Variants in FUT7 observed in about 807,000 individuals in gnomAD.
FUT7 encodes the protein alpha-(1,3)-fucosyltransferase 7.
In FUT7, 2 loss-of-function variants were observed where a neutral mutation model predicts 5.0. That is an observed-to-expected ratio of 0.40 (90% confidence interval 0.16 to 1.26). The LOEUF (loss-of-function observed/expected upper bound fraction) is 1.26. FUT7 is among the 50% of genes most tolerant of loss of function. FUT7 has a pLI of 0.32. For synonymous variants in FUT7, 218 were observed against 210.6 expected, an observed-to-expected ratio of 1.03 and a Z score of -0.30; for missense variants, 461 against 489.8, an observed-to-expected ratio of 0.94 and a Z score of 0.55.
At chr9:137,031,921 C>A in intron 1 of FUT7, 58 bp downstream of exon 1, 3 of 1,593,226 alleles carry the variant, frequency 1.9e-6, no homozygotes, top group Non-Finnish European at 2.6e-6. Flanking sequence ...CCCCGTCCTC[C>A]CCTCCCAGGT....
At position 137,030,368 on chromosome 9, in the gene FUT7, TGGCCCCCACAAACTTCAGGCTGG is replaced by T; in HGVS notation, c.*319_*341del. On this transcript the variant is annotated 3_prime_UTR_variant, in exon 2 of 2. Transcript: ENST00000314412. ...CCGAGGAAGCTCGGGGTCCCAGGTT[TGGCCCCCACAAACTTCAGGCTGG>T]GGTGCCCCCCAGCCCCAAGGGCCCT... is the stretch of plus-strand genomic sequence containing the variant. 2.9e-6 allele frequency: 1 copy of T among 347,066 alleles called. No individual in the cohort carries two copies. Among genetic ancestry groups the T allele is most frequent in the Non-Finnish European group, 5.5e-6 (1 of 181,820 alleles). 21.5% of individuals were successfully genotyped at this position (347,066 alleles called of 1,614,324 possible).
Position 137,031,298 on chromosome 9 carries a change from C to T in FUT7, c.441G>A (p.Ser147=), listed in dbSNP as rs776134765. The stretch of plus-strand genomic sequence containing the variant: ...GGCGGCCATAGGGCACAAAGATGTC[C>T]GAGTCGCGCCGGTAGCTCAGCACCC... ...FNWVLSYRRD[S]DIFVPYGRLE... is the part of the protein sequence containing the mutation. Residue 147 remains serine, a synonymous_variant, in exon 2 of 2, where the codon TCG becomes TCA. Coordinates refer to ENST00000314412, the MANE Select transcript of FUT7 (RefSeq NM_004479.4). 5.0e-5 allele frequency: 80 copies of T among 1,606,386 alleles called. No individual in the cohort carries two copies. The Middle Eastern group carries it at 6.6e-4, about 13-fold the overall frequency.
chr9:137,031,914 C>T lies in FUT7; in HGVS notation c.13+65G>A, dbSNP rs544909727. On this transcript the variant is annotated intron_variant, in intron 1 of 1. Coordinates refer to ENST00000314412, the MANE Select transcript of FUT7 (RefSeq NM_004479.4). Reference sequence around the variant, plus strand: ...GACATGCCCCACTCAGCGCCACCCCCGTCCTCCCCTCCCAGGTTGCCTAGC... The same window carrying T: ...GACATGCCCCACTCAGCGCCACCCCTGTCCTCCCCTCCCAGGTTGCCTAGC... 3.5e-5 allele frequency: 56 copies of T among 1,580,962 alleles called. 1 individual carries two copies. Among genetic ancestry groups the T allele is most frequent in the Admixed American group, 6.7e-5 (4 of 59,918 alleles).
rs1831826802 is a variant in FUT7 at position 137,030,576 on chromosome 9, C to T, written c.*134G>A. 6 of 1,058,586 alleles carry T rather than the reference C, an allele frequency of 5.7e-6. No individual in the cohort carries two copies. In the Admixed American group the frequency reaches 1.2e-4, roughly 21 times the overall value. The allele number at this position is 1,058,586 out of a possible 1,614,324, so 65.6% of individuals were successfully genotyped here. ...CATGCTCCAGTGCCCACCTGCACCC[C>T]CCACCCCTGCTTCCTGACCTCTGTG... On this transcript the variant is annotated 3_prime_UTR_variant, in exon 2 of 2. Coordinates refer to ENST00000314412, the MANE Select transcript of FUT7 (RefSeq NM_004479.4).
chr9:137,031,833 C>G (rs1382297522), intron 1 of FUT7, 108 bp from the exon 2 acceptor site: 4 of 1,454,412 alleles, frequency 2.8e-6, no homozygotes, highest in Non-Finnish European at 3.8e-6. Flanking sequence ...CAGGGACACC[C>G]ACATGCCCCA....
Position 137,030,631 on chromosome 9 carries a change from G to A in FUT7, c.*79C>T, listed in dbSNP as rs916642484. 5.6e-5 allele frequency: 87 copies of A among 1,546,490 alleles called. No homozygotes were observed. The highest frequency in any genetic ancestry group is 9.2e-5 in the South Asian group (8 of 86,836). On this transcript the variant is annotated 3_prime_UTR_variant, in exon 2 of 2. Coordinates refer to ENST00000314412, the MANE Select transcript of FUT7 (RefSeq NM_004479.4). ...GCCTCCCGTTAGCCCGCTGCTTGCCGGTAAGGGCCGGATGCCTGGTGGTTT... is the reference window on the plus strand; with the variant it reads ...GCCTCCCGTTAGCCCGCTGCTTGCCAGTAAGGGCCGGATGCCTGGTGGTTT...
At position 137,031,324 on chromosome 9, in the gene FUT7, A is replaced by C. The variant is rs746587747; in HGVS notation, c.415T>G (p.Trp139Gly). 2.2e-5 allele frequency: 36 copies of C among 1,605,972 alleles called. No individual in the cohort carries two copies. Among genetic ancestry groups the C allele is most frequent in the Non-Finnish European group, 3.1e-5 (36 of 1,177,654 alleles). Reference sequence around the variant, plus strand: ...GAGTCGCGCCGGTAGCTCAGCACCCAGTTGAAGATGCCTCGGAGGTGGCTG... The same window carrying C: ...GAGTCGCGCCGGTAGCTCAGCACCCCGTTGAAGATGCCTCGGAGGTGGCTG... ...GLSHLRGIFN[W>G]VLSYRRDSDI... The change falls in exon 2 of 2, where the codon TGG becomes GGG. Residue 139 changes from tryptophan to glycine, a missense_variant. Physicochemically the swap from Trp to Gly is radical, Grantham distance 184. Coordinates refer to ENST00000314412, the MANE Select transcript of FUT7 (RefSeq NM_004479.4).
chr9:137,031,654 G>T lies in FUT7; in HGVS notation c.85C>A (p.Leu29Ile). Residue 29 changes from leucine to isoleucine, a missense_variant, in exon 2 of 2, where the codon CTC becomes ATC. Transcript: ENST00000314412. ...AGVALLAALW[L>I]LWLLGSAPRG... ...GGGGCTGACCCCAGCAGCCACAGGAGCCAGAGGGCAGCGAGCAGAGCCACC... is the reference window on the plus strand; with the variant it reads ...GGGGCTGACCCCAGCAGCCACAGGATCCAGAGGGCAGCGAGCAGAGCCACC... 1 of 1,553,544 alleles carries T rather than the reference G, an allele frequency of 6.4e-7. No homozygotes were observed. Among genetic ancestry groups the T allele is most frequent in the East Asian group, 2.4e-5 (1 of 41,588 alleles).
Position 137,031,358 on chromosome 9 carries a change from G to A in FUT7, c.381C>T (p.Thr127=). ...VWASMESPSH[T]HGLSHLRGIF... ...TGCCTCGGAGGTGGCTGAGGCCGTGGGTGTGGCTAGGAGACTCCATGGAGG... is the reference window on the plus strand; with the variant it reads ...TGCCTCGGAGGTGGCTGAGGCCGTGAGTGTGGCTAGGAGACTCCATGGAGG... Residue 127 remains threonine (T), a synonymous_variant, in exon 2 of 2, where the codon ACC becomes ACT. Transcript: ENST00000314412. 6.3e-7 allele frequency: 1 copy of A among 1,595,782 alleles called. No individual in the cohort carries two copies. The highest frequency in any genetic ancestry group is 8.5e-7 in the Non-Finnish European group (1 of 1,173,028).
At chr9:137,031,781 C>T (rs898506037) in intron 1 of FUT7, 56 bp from the exon 2 acceptor site, 60 of 1,529,168 alleles carry the variant, frequency 3.9e-5, no homozygotes, top group Admixed American at 1.4e-4. Context: ...GACATCCACA[C>T]GCCCCACTCA....
Position 137,030,289 on chromosome 9 carries a change from A to C in FUT7, c.*421T>G. ...GCCTACACACAGGGACCTCAGAACTATGGACGTGGCAGGGACCCGTGCCTG... is the reference window on the plus strand; with the variant it reads ...GCCTACACACAGGGACCTCAGAACTCTGGACGTGGCAGGGACCCGTGCCTG... On this transcript the variant is annotated 3_prime_UTR_variant, in exon 2 of 2. Coordinates refer to ENST00000314412, the MANE Select transcript of FUT7 (RefSeq NM_004479.4). 1 of 269,702 alleles carries C rather than the reference A, an allele frequency of 3.7e-6. No individual in the cohort carries two copies. Among genetic ancestry groups the C allele is most frequent in the Non-Finnish European group, 7.4e-6 (1 of 135,622 alleles). 16.7% of individuals were successfully genotyped at this position (269,702 alleles called of 1,614,324 possible).
chr9:137,031,121 A>G lies in FUT7; in HGVS notation c.618T>C (p.Asn206=). ...HLRVDVFGRA[N]GRPLCASCLV... is the part of the protein sequence containing the mutation. ...GGCAGCTGGCGCACAGTGGCCGTCC[A>G]TTGGCACGGCCAAAGACATCCACCC... The change falls in exon 2 of 2, where the codon AAT becomes AAC. Residue 206 remains asparagine, a synonymous_variant. Transcript: ENST00000314412. 1 of 1,612,634 alleles carries G rather than the reference A, an allele frequency of 6.2e-7. No individual in the cohort carries two copies.
intron 1 of FUT7, 86 bp from the exon 2 acceptor site, chr9:137,031,811 C>A (rs1053734945): frequency 2.0e-6 from 3 of 1,504,430 alleles, no homozygotes; most frequent in Admixed American, 2.0e-5. Context: ...CCGTCCTCCC[C>A]TCCCATGGGC....
chr9:137,030,703 G>A lies in FUT7; in HGVS notation c.*7C>T. On this transcript the variant is annotated 3_prime_UTR_variant, in exon 2 of 2. Transcript: ENST00000314412. Reference sequence around the variant, plus strand: ...CACCCACACCCACCTCCCCCGGCCAGCGGATCTCAGGCCTGAAACCAACCC... The same window carrying A: ...CACCCACACCCACCTCCCCCGGCCAACGGATCTCAGGCCTGAAACCAACCC... 6.2e-7 allele frequency: 1 copy of A among 1,612,702 alleles called. No individual in the cohort carries two copies. The highest frequency in any genetic ancestry group is 8.5e-7 in the Non-Finnish European group (1 of 1,179,866).
In FUT7 at chr9:137,030,800, C is replaced by T; in HGVS notation, c.939G>A (p.Trp313Ter). ...CACAGATGGCACAGAAACGTTCCCG[C>T]CAGTCGGTGAACAGTCGCACGCGGA... ...DRLRVRLFTD[W>*]RERFCAICDR... is the part of the protein sequence containing the mutation. Residue 313 changes from tryptophan to a stop codon, truncating the protein, a stop_gained, in exon 2 of 2, where the codon TGG becomes TGA. Transcript: ENST00000314412. LOFTEE classifies it high-confidence loss of function. 1 of 1,612,842 alleles carries T rather than the reference C, an allele frequency of 6.2e-7. No individual in the cohort carries two copies. The highest frequency in any genetic ancestry group is 8.5e-7 in the Non-Finnish European group (1 of 1,179,976).
chr9:137,031,506 A>C lies in FUT7; in HGVS notation c.233T>G (p.Leu78Arg), dbSNP rs763062960. 10 of 1,555,296 alleles carry C rather than the reference A, an allele frequency of 6.4e-6. No homozygotes were observed. The African/African-American group carries it at 1.2e-4, about 19-fold the overall frequency. Residue 78 changes from leucine (L) to arginine (R), a missense_variant, in exon 2 of 2, where the codon CTG becomes CGG. By Grantham distance (102) the Leu-to-Arg change is moderately radical (BLOSUM62 -2). Coordinates refer to ENST00000314412, the MANE Select transcript of FUT7 (RefSeq NM_004479.4). ...CTRYGIARCH[L>R]SANRSLLASA... ...GGCCAGCAGGCTTCGGTTGGCACTC[A>C]GGTGGCAGCGGGCGATGCCGTAGCG...
At chr9:137,031,779 C>T in intron 1 of FUT7, 54 bp from the exon 2 acceptor site, 1 of 1,533,290 alleles carries the variant, frequency 6.5e-7, no homozygotes, top group Non-Finnish European at 8.8e-7. Flanking sequence ...GGGACATCCA[C>T]ACGCCCCACT....
At position 137,031,420 on chromosome 9, in the gene FUT7, G is replaced by T; in HGVS notation, c.319C>A (p.Leu107Met). The T allele has an allele frequency of 6.4e-7, 1 of 1,559,060 alleles. No homozygotes were observed. The highest frequency in any genetic ancestry group is 2.4e-5 in the East Asian group (1 of 41,960). ...ELQTRRSHLP[L>M]AQRPRGQPWV... ...GGCTGCCCTCGCGGCCGCTGGGCCA[G>T]GGGCAGGTGGGACCGCCGGGTCTGC... Residue 107 changes from leucine (L) to methionine (M), a missense_variant, in exon 2 of 2, where the codon CTG becomes ATG. By Grantham distance (15) the Leu-to-Met change is conservative. Transcript: ENST00000314412.
At position 137,030,342 on chromosome 9, in the gene FUT7, A is replaced by C; in HGVS notation, c.*368T>G. The C allele has an allele frequency of 3.2e-6, 1 of 313,956 alleles. No individual in the cohort carries two copies. The highest frequency in any genetic ancestry group is 6.2e-6 in the Non-Finnish European group (1 of 161,592). 19.4% of individuals were successfully genotyped at this position (313,956 alleles called of 1,614,324 possible). On this transcript the variant is annotated 3_prime_UTR_variant, in exon 2 of 2. Coordinates refer to ENST00000314412, the MANE Select transcript of FUT7 (RefSeq NM_004479.4). ...TCTCGGGGACCACAGGGCCTCTGCT[A>C]CCGAGGAAGCTCGGGGTCCCAGGTT...
Sources: gnomAD v4.1 joint callset for allele counts on GRCh38, gnomAD v4.1.1 for gene constraint, MANE v1.5 for transcripts, NCBI Gene and HGNC (gene_info 2026-07-23, HGNC 2026-07-21) for gene names.